The following TBXAS1 variants were observed in gnomAD, a reference collection of about 807,000 sequenced individuals.
The protein encoded by TBXAS1 is thromboxane-A synthase.
A neutral mutation model predicts 60.7 loss-of-function variants in TBXAS1; 48 were observed. The observed-to-expected ratio is 0.79, with a 90% CI of 0.63 to 1.01. TBXAS1 has a LOEUF of 1.01. Among genes scored for constraint, TBXAS1 ranks in the 50% least tolerant of loss-of-function variants. The pLI, the probability that TBXAS1 is intolerant of heterozygous loss-of-function variation, is 0.00. For missense variants in TBXAS1, 685 were observed against 686.3 expected, an observed-to-expected ratio of 1.00 and a Z score of 0.02; for synonymous variants, 287 against 269.7, an observed-to-expected ratio of 1.06 and a Z score of -0.63.
chr7:139,878,336 C>T (rs79271755), intron 3 of TBXAS1, among the ~76,000 whole-genome samples: 339 of 152,196 alleles, frequency 2.2e-3, no homozygotes, highest in African/African-American at 7.9e-3. Flanking sequence ...TGAGTTAACA[C>T]AATTTATCCT....
At chr7:139,831,065 T>G (rs947551478) in intron 1 of TBXAS1, among the ~76,000 whole-genome samples, 1 of 151,884 alleles carries the variant, frequency 6.6e-6, no homozygotes, top group African/African-American at 2.4e-5. Flanking sequence ...AAACAGGAAG[T>G]GAGAGCTGAC....
chr7:139,846,249 G>A (rs1799794017), intron 1 of TBXAS1, among the ~76,000 whole-genome samples: 2 of 152,064 alleles, frequency 1.3e-5, no homozygotes, highest in African/African-American at 4.8e-5. Context: ...CCTTGAAAAC[G>A]CACTAAAAAC....
chr7:139,996,472 A>C (rs1813302488), intron 9 of TBXAS1, among the ~76,000 whole-genome samples: 1 of 152,052 alleles, frequency 6.6e-6, no homozygotes, highest in Admixed American at 6.5e-5. Context: ...CTTCTACGCC[A>C]AGCTGCTCAC....
intron 9 of TBXAS1, among the ~76,000 whole-genome samples, chr7:139,976,217 G>A (rs974817355): frequency 6.6e-6 from 1 of 152,178 alleles, no homozygotes; most frequent in Non-Finnish European, 1.5e-5. Context: ...CCACTCCAGG[G>A]CCTCTGTCAG....
At chr7:139,799,777 C>G (rs775255298) in intron 4 of TBXAS1, among the ~76,000 whole-genome samples, 16 of 152,194 alleles carry the variant, frequency 1.1e-4, no homozygotes, top group Non-Finnish European at 2.4e-4. Flanking sequence ...TCTATTTTAG[C>G]CAGCACACAT....
chr7:139,988,311 C>T (rs571938294), intron 9 of TBXAS1, among the ~76,000 whole-genome samples: 2 of 152,354 alleles, frequency 1.3e-5, no homozygotes, highest in African/African-American at 2.4e-5. Context: ...CAGCTTAGCC[C>T]GAGCGCCTCC....
At chr7:139,827,856 A>C (rs1798486711), upstream of TBXAS1, among the ~76,000 whole-genome samples, 1 of 152,184 alleles carries the variant, frequency 6.6e-6, no homozygotes, top group African/African-American at 2.4e-5. Flanking sequence ...TCTGCTGTTC[A>C]TCTGATTGGT....
chr7:139,812,511 G>A (rs1160485641), intron 4 of TBXAS1, among the ~76,000 whole-genome samples: 2 of 152,116 alleles, frequency 1.3e-5, no homozygotes, highest in African/African-American at 4.8e-5. Flanking sequence ...ACATGTACAC[G>A]TGGAAAAACG....
intron 1 of TBXAS1, among the ~76,000 whole-genome samples, chr7:139,838,282 C>T (rs558333260): frequency 6.6e-5 from 10 of 152,346 alleles, no homozygotes; most frequent in African/African-American, 2.4e-4. Context: ...TCCAAAGGCA[C>T]TGAGGAGCCC....
chr7:139,798,531 T>G (rs1270213489), intron 4 of TBXAS1, among the ~76,000 whole-genome samples: 1 of 152,202 alleles, frequency 6.6e-6, no homozygotes, highest in Admixed American at 6.5e-5. Flanking sequence ...AATAGTGATC[T>G]GTGTCAGTTT....
intron 4 of TBXAS1, among the ~76,000 whole-genome samples, chr7:139,811,058 A>T (rs2116399491): frequency 6.6e-6 from 1 of 152,328 alleles, no homozygotes; most frequent in African/African-American, 2.4e-5. Context: ...TGAAAAGCAA[A>T]ATCAGAAGAC....
intron 4 of TBXAS1, among the ~76,000 whole-genome samples, chr7:139,819,183 A>C (rs1798229286): frequency 6.6e-6 from 1 of 152,166 alleles, no homozygotes; most frequent in African/African-American, 2.4e-5. Flanking sequence ...AGGGGTGGTC[A>C]TGTTTCCAAA....
At chr7:140,016,104 A>G (rs12703490) in intron 11 of TBXAS1, among the ~76,000 whole-genome samples, 15,244 of 152,080 alleles carry the variant, frequency 0.1, 839 homozygotes, top group Non-Finnish European at 0.12. Flanking sequence ...CAAGGTGGGC[A>G]GATCACGAGG....
At chr7:139,934,526 T>C (rs969398776) in intron 4 of TBXAS1, among the ~76,000 whole-genome samples, 1 of 152,190 alleles carries the variant, frequency 6.6e-6, no homozygotes, top group Non-Finnish European at 1.5e-5. Context: ...AGACAACTTC[T>C]TGAACCCCGT....
At chr7:139,809,248 TA>T (rs1205769390) in intron 4 of TBXAS1, among the ~76,000 whole-genome samples, 1,528 of 145,498 alleles carry the variant, frequency 0.011, 21 homozygotes, top group African/African-American at 0.039. Flanking sequence ...GATAGATAGA[TA>T]GATAGATAGA....
intron 5 of TBXAS1, among the ~76,000 whole-genome samples, chr7:139,951,445 T>C (rs1037859259): frequency 2.6e-5 from 4 of 151,352 alleles, no homozygotes; most frequent in African/African-American, 9.7e-5. Context: ...GCAAGCCATA[T>C]GGTTCAGTCC....
At chr7:139,912,934 C>T in intron 4 of TBXAS1, 4 of 595,986 alleles carry the variant, frequency 6.7e-6, no homozygotes, top group Non-Finnish European at 1.2e-5. Context: ...GATTCATGTG[C>T]CATCTCTCAA....
At chr7:139,991,585 C>T (rs1331651944) in intron 9 of TBXAS1, among the ~76,000 whole-genome samples, 1 of 152,132 alleles carries the variant, frequency 6.6e-6, no homozygotes, top group East Asian at 1.9e-4. Flanking sequence ...AGATGAAATT[C>T]TTATTAGAAA....
intron 9 of TBXAS1, among the ~76,000 whole-genome samples, chr7:139,979,930 CTT>C (rs8192844): frequency 6.8e-6 from 1 of 147,278 alleles, no homozygotes. Flanking sequence ...TTGGGTTTTG[CTT>C]TTTTTTTTCC....
Sources: allele counts gnomAD v4.1 joint callset (sites outside exome capture counted in the v4.1 genomes callset), GRCh38; gene constraint gnomAD v4.1.1; transcripts MANE v1.5; gene names NCBI Gene and HGNC (gene_info 2026-07-23, HGNC 2026-07-21).